Variants in DDR2 observed in about 807,000 individuals in gnomAD.
DDR2 encodes the protein discoidin domain receptor tyrosine kinase 2.
Under a neutral mutation model 94.9 loss-of-function variants are expected in DDR2, and 27 were observed. That is an observed-to-expected ratio of 0.28 (90% CI 0.21 to 0.39). The LOEUF is 0.39. Among genes scored for constraint, DDR2 ranks in the 10% least tolerant of loss-of-function variants. The probability of loss-of-function intolerance (pLI) is 1.00; values close to 1 mark genes in which losing one functional copy is unlikely to be tolerated. For synonymous variants in DDR2, 382 were observed against 377.2 expected (o/e 1.01, Z -0.15); for missense variants, 783 against 1,076.0 (o/e 0.73, Z 3.81).
chr1:162,750,255 G>T (rs1361584460), intron 3 of DDR2, among the ~76,000 whole-genome samples: 1 of 152,138 alleles, frequency 6.6e-6, no homozygotes, highest in Non-Finnish European at 1.5e-5. Flanking sequence ...CATCATCTCA[G>T]CCCCAAATCT....
At chr1:162,773,891 A>G (rs1647370561) in intron 14 of DDR2, among the ~76,000 whole-genome samples, 1 of 152,150 alleles carries the variant, frequency 6.6e-6, no homozygotes, top group African/African-American at 2.4e-5. Context: ...CTAAATGTGT[A>G]CTTCTTTGGT....
intron 3 of DDR2, among the ~76,000 whole-genome samples, chr1:162,748,576 G>C (rs1407076843): frequency 1.3e-5 from 2 of 152,180 alleles, no homozygotes; most frequent in Admixed American, 1.3e-4. Flanking sequence ...ACACCCCACT[G>C]TCAACATTAG....
intron 2 of DDR2, among the ~76,000 whole-genome samples, chr1:162,677,183 A>T (rs992953792): frequency 2.8e-4 from 42 of 152,242 alleles, no homozygotes; most frequent in African/African-American, 9.9e-4. Flanking sequence ...TGGGGTGAGG[A>T]TAGAGGTTTT....
intron 10 of DDR2, 137 bp downstream of exon 10, chr1:162,766,200 G>A (rs764637438): frequency 3.1e-5 from 27 of 859,070 alleles, no homozygotes; most frequent in African/African-American, 8.2e-5. Flanking sequence ...GCCCTGGAAA[G>A]GTAGGACTGT....
In DDR2 at chr1:162,727,633, G is replaced by A. The variant is rs552301365; in HGVS notation, c.82+8488G>A. ...CCCTCTTCTTATTCATCAAACATTTGTTGATTGCCTATATAAGCCAAGCAC... is the reference window on the plus strand; with the variant it reads ...CCCTCTTCTTATTCATCAAACATTTATTGATTGCCTATATAAGCCAAGCAC... On this transcript the variant is annotated intron_variant, in intron 3 of 17. Transcript: ENST00000367921. 2.9e-3 allele frequency among the ~76,000 whole-genome samples: 428 copies of A among 148,758 alleles called. 4 individuals are homozygous for A. The highest frequency in any genetic ancestry group is 0.01 in the African/African-American group (419 of 40,872).
At chr1:162,732,288 A>T (rs1662092433) in intron 3 of DDR2, among the ~76,000 whole-genome samples, 1 of 152,174 alleles carries the variant, frequency 6.6e-6, no homozygotes, top group Admixed American at 6.5e-5. Flanking sequence ...CCATTGTGTC[A>T]ATATTTATCT....
At chr1:162,661,112 G>T (rs1177572024) in intron 2 of DDR2, among the ~76,000 whole-genome samples, 2 of 152,144 alleles carry the variant, frequency 1.3e-5, no homozygotes, top group African/African-American at 2.4e-5. Context: ...CCCACAAAGG[G>T]TCTTGAGCCT....
At chr1:162,736,725 G>T (rs1662316704) in intron 3 of DDR2, among the ~76,000 whole-genome samples, 1 of 152,216 alleles carries the variant, frequency 6.6e-6, no homozygotes. Context: ...CTTGCGAAGT[G>T]CATCCAGATT....
chr1:162,759,653 C>G (rs1226944980), intron 7 of DDR2, 143 bp from the exon 8 acceptor site: 6 of 925,678 alleles, frequency 6.5e-6, no homozygotes, highest in Non-Finnish European at 1.0e-5. Flanking sequence ...TAATGCAAAT[C>G]TGATTATTTA....
At chr1:162,703,340 TGAG>T (rs375612596) in intron 2 of DDR2, among the ~76,000 whole-genome samples, 31 of 152,250 alleles carry the variant, frequency 2.0e-4, no homozygotes, top group African/African-American at 7.5e-4. Flanking sequence ...TCAACATCAA[TGAG>T]GAGTTCAGAG....
At position 162,786,421 on chromosome 1, in the gene DDR2, A is replaced by G. The variant is rs1461487526; in HGVS notation, c.*6175A>G. 6.6e-6 allele frequency: 1 copy of G among 152,262 alleles called. No homozygotes were observed. Among genetic ancestry groups the G allele is most frequent in the Non-Finnish European group, 1.5e-5 (1 of 68,048 alleles). The allele number at this position is 152,262 out of a possible 1,614,324, so 9.4% of individuals were successfully genotyped here. On this transcript the variant is annotated 3_prime_UTR_variant, in exon 18 of 18. Transcript: ENST00000367921. ...ATGGATTTAATTTCTGCTTAAAACT[A>G]TCATAGACGTTCCAAATAGAATATG...
In DDR2 at chr1:162,780,811, T is replaced by C. The variant is rs550466828; in HGVS notation, c.*565T>C. The C allele has an allele frequency of 4.5e-5, 7 of 155,182 alleles. No individual in the cohort carries two copies. In the South Asian group the frequency reaches 1.4e-3, roughly 31 times the overall value. 9.6% of individuals were successfully genotyped at this position (155,182 alleles called of 1,614,324 possible). On this transcript the variant is annotated 3_prime_UTR_variant, in exon 18 of 18. Transcript: ENST00000367921. ...TTCTCTCTCCTGTCAAAGTGAATGATATATTCTTGAAAACCCCCAATTTCT... is the reference window on the plus strand; with the variant it reads ...TTCTCTCTCCTGTCAAAGTGAATGACATATTCTTGAAAACCCCCAATTTCT...
chr1:162,645,820 G>A (rs915464503), intron 1 of DDR2, among the ~76,000 whole-genome samples: 1 of 152,260 alleles, frequency 6.6e-6, no homozygotes, highest in African/African-American at 2.4e-5. Flanking sequence ...TGAAGATAGG[G>A]TTAGCATTGT....
At chr1:162,636,196 C>G (rs1656808162) in intron 1 of DDR2, among the ~76,000 whole-genome samples, 1 of 152,038 alleles carries the variant, frequency 6.6e-6, no homozygotes, top group Non-Finnish European at 1.5e-5. Context: ...TTTTATAAAC[C>G]CCAGCATTTG....
At chr1:162,634,986 C>A (rs1656743510) in intron 1 of DDR2, among the ~76,000 whole-genome samples, 1 of 152,124 alleles carries the variant, frequency 6.6e-6, no homozygotes, top group African/African-American at 2.4e-5. Flanking sequence ...GGGTGGAGAG[C>A]CAGCCTGCAG....
At chr1:162,683,395 A>G (rs556975826) in intron 2 of DDR2, among the ~76,000 whole-genome samples, 1 of 152,146 alleles carries the variant, frequency 6.6e-6, no homozygotes, top group Non-Finnish European at 1.5e-5. Flanking sequence ...TGAAGATGAC[A>G]TGATTGCCTA....
intron 2 of DDR2, among the ~76,000 whole-genome samples, chr1:162,696,069 C>T (rs974985693): frequency 4.6e-5 from 7 of 152,082 alleles, no homozygotes; most frequent in African/African-American, 1.7e-4. Context: ...TGTGGATTAT[C>T]CATGACATAA....
At chr1:162,709,297 C>T (rs1280777597) in intron 2 of DDR2, among the ~76,000 whole-genome samples, 2 of 152,148 alleles carry the variant, frequency 1.3e-5, no homozygotes, top group Admixed American at 6.5e-5. Context: ...TTATCAGAGA[C>T]AGACAGGGCC....
At chr1:162,700,713 A>G (rs1205721971) in intron 2 of DDR2, among the ~76,000 whole-genome samples, 1 of 152,128 alleles carries the variant, frequency 6.6e-6, no homozygotes, top group Non-Finnish European at 1.5e-5. Context: ...TTACTCTACT[A>G]TTGGGATTTG....
Sources: gnomAD v4.1 joint callset for allele counts (sites outside exome capture counted in the v4.1 genomes callset) on GRCh38, gnomAD v4.1.1 for gene constraint, MANE v1.5 for transcripts, NCBI Gene and HGNC (gene_info 2026-07-23, HGNC 2026-07-21) for gene names.